Variants in TIMM9 observed in about 807,000 individuals in gnomAD.
TIMM9 encodes the protein mitochondrial import inner membrane translocase subunit Tim9.
In TIMM9, 10 loss-of-function variants were observed where a neutral mutation model predicts 13.4. The ratio of observed to expected loss-of-function variants is 0.75; its 90% CI spans 0.46 to 1.26. TIMM9 has a LOEUF of 1.26. Ranked by LOEUF, TIMM9 falls within the 50% of genes most tolerant of loss-of-function variation. TIMM9 has a pLI of 0.00. For synonymous variants in TIMM9, 32 were observed against 32.1 expected (o/e 1.00, Z 0.01); for missense variants, 87 against 100.8 (o/e 0.86, Z 0.58).
chr14:58,423,230 G>A (rs1380457100), intron 3 of TIMM9, among the ~76,000 whole-genome samples: 3 of 151,484 alleles, frequency 2.0e-5, no homozygotes, highest in African/African-American at 7.3e-5. Flanking sequence ...TCAAGATTAC[G>A]GTATAGGCCA....
At chr14:58,414,779 A>G (rs1396121104) in intron 3 of TIMM9, among the ~76,000 whole-genome samples, 2 of 151,926 alleles carry the variant, frequency 1.3e-5, no homozygotes, top group African/African-American at 4.8e-5. Flanking sequence ...GAAATTCACA[A>G]TAACTACTGA....
chr14:58,409,665 G>A (rs888294631), intron 5 of TIMM9, among the ~76,000 whole-genome samples: 6 of 151,968 alleles, frequency 3.9e-5, no homozygotes, highest in Non-Finnish European at 5.9e-5. Context: ...TGCAAGCTCC[G>A]CCTCCTGAGT....
intron 3 of TIMM9, among the ~76,000 whole-genome samples, chr14:58,419,494 CACA>C (rs1453474612): frequency 1.3e-5 from 2 of 149,972 alleles, no homozygotes; most frequent in East Asian, 3.9e-4. Context: ...CACACACACA[CACA>C]CACACACAAA....
Position 58,411,901 on chromosome 14 carries a change from CCTT to C in TIMM9, c.39+3_39+5del, listed in dbSNP as rs2036232711. The C allele has an allele frequency of 6.2e-7, 1 of 1,613,492 alleles. No individual in the cohort carries two copies. Among genetic ancestry groups the C allele is most frequent in the African/African-American group, 1.3e-5 (1 of 74,898 alleles). On this transcript the variant is annotated splice_donor_5th_base_variant and intron_variant, in intron 4 of 5. Transcript: ENST00000395159. Reference sequence around the variant, plus strand: ...AAATCTTTTCCCCTTAATTAGAATACCTTACCTGTTTTATCTGATCAGATTCTG... The same window carrying C: ...AAATCTTTTCCCCTTAATTAGAATACACCTGTTTTATCTGATCAGATTCTG...
At chr14:58,421,134 G>A (rs2036578059) in intron 3 of TIMM9, among the ~76,000 whole-genome samples, 2 of 152,288 alleles carry the variant, frequency 1.3e-5, no homozygotes, top group East Asian at 3.9e-4. Context: ...TGGGTGAATG[G>A]TTAAACAAAT....
intron 3 of TIMM9, among the ~76,000 whole-genome samples, chr14:58,423,058 G>A (rs2140342455): frequency 6.6e-6 from 1 of 151,928 alleles, no homozygotes; most frequent in South Asian, 2.1e-4. Context: ...ACCCACCTCA[G>A]CCTCCCAAAG....
rs894022906 is a variant in TIMM9, at chr14:58,408,675, T to C, written c.*359A>G. ...AGTGATATTTCCATTTATTTTACTT[T>C]GAGTAATAAAAATTTTTCTATCTCA... On this transcript the variant is annotated 3_prime_UTR_variant, in exon 6 of 6. Transcript: ENST00000395159. 7.6e-7 allele frequency: 1 copy of C among 1,315,974 alleles called. No homozygotes were observed. The highest frequency in any genetic ancestry group is 1.0e-6 in the Non-Finnish European group (1 of 958,376). The allele number at this position is 1,315,974 out of a possible 1,614,324, so 81.5% of individuals were successfully genotyped here.
At chr14:58,415,354 C>A (rs2036370368) in intron 3 of TIMM9, among the ~76,000 whole-genome samples, 1 of 152,040 alleles carries the variant, frequency 6.6e-6, no homozygotes, top group Non-Finnish European at 1.5e-5. Flanking sequence ...AGGAAGATCT[C>A]AAACTGAATT....
At chr14:58,420,585 G>T (rs997952991) in intron 3 of TIMM9, among the ~76,000 whole-genome samples, 2 of 152,098 alleles carry the variant, frequency 1.3e-5, no homozygotes, top group Non-Finnish European at 2.9e-5. Flanking sequence ...CTGAGGTCAG[G>T]AGTTTGAGAC....
rs763029164 is a variant in TIMM9 at position 58,408,553 on chromosome 14, C to A, written c.*481G>T. ...GCAATTTGAGGCAGACATGAATGAA[C>A]AGGACTGCTTGGAGGATGATCCTGA... On this transcript the variant is annotated 3_prime_UTR_variant, in exon 6 of 6. Transcript: ENST00000395159. The A allele has an allele frequency of 6.2e-7, 1 of 1,613,920 alleles. No homozygotes were observed. The highest frequency in any genetic ancestry group is 1.3e-5 in the African/African-American group (1 of 74,996).
chr14:58,416,628 G>C (rs2036418021), intron 3 of TIMM9, among the ~76,000 whole-genome samples: 1 of 152,182 alleles, frequency 6.6e-6, no homozygotes, highest in Non-Finnish European at 1.5e-5. Context: ...CACTTCTCTT[G>C]AGTTTCCTAA....
At chr14:58,412,157 T>C in intron 3 of TIMM9, 186 bp from the exon 4 acceptor site, 1 of 494,204 alleles carries the variant, frequency 2.0e-6, no homozygotes, top group South Asian at 2.5e-5. Context: ...TTTCTTTTTT[T>C]TTTTGAGACG....
chr14:58,408,987 G>A lies in TIMM9; in HGVS notation c.*47C>T. On this transcript the variant is annotated 3_prime_UTR_variant, in exon 6 of 6. Coordinates refer to ENST00000395159, the MANE Select transcript of TIMM9 (RefSeq NM_012460.4). The stretch of plus-strand genomic sequence containing the variant: ...CAGATGAGTCCTCATTTCCAATAAA[G>A]CAGCTGTTGGCAATCTTTCATCAAA... 6.3e-7 allele frequency: 1 copy of A among 1,587,834 alleles called. No homozygotes were observed. The highest frequency in any genetic ancestry group is 8.5e-7 in the Non-Finnish European group (1 of 1,172,262).
rs1187224065 is a variant in TIMM9, at chr14:58,408,544, A to G, written c.*490T>C. 8.1e-6 allele frequency: 13 copies of G among 1,613,858 alleles called. No individual in the cohort carries two copies. The highest frequency in any genetic ancestry group is 1.7e-5 in the Admixed American group (1 of 59,948). ...TATTCACCAGCAATTTGAGGCAGAC[A>G]TGAATGAACAGGACTGCTTGGAGGA... On this transcript the variant is annotated 3_prime_UTR_variant, in exon 6 of 6. Transcript: ENST00000395159.
chr14:58,421,229 GA>G (rs1216144199), intron 3 of TIMM9, among the ~76,000 whole-genome samples: 2 of 152,124 alleles, frequency 1.3e-5, no homozygotes, highest in Non-Finnish European at 2.9e-5. Flanking sequence ...TTCTGCTGAG[GA>G]AAAAAGCCAA....
chr14:58,419,680 C>T (rs1276517978), intron 3 of TIMM9, among the ~76,000 whole-genome samples: 2 of 151,950 alleles, frequency 1.3e-5, no homozygotes, highest in East Asian at 3.9e-4. Flanking sequence ...CCAAGGTTGG[C>T]AGATGGCTTG....
At chr14:58,420,383 T>C (rs563329939) in intron 3 of TIMM9, among the ~76,000 whole-genome samples, 1 of 151,558 alleles carries the variant, frequency 6.6e-6, no homozygotes, top group African/African-American at 2.4e-5. Context: ...AACAATCCAA[T>C]TAGAAAACAA....
At chr14:58,417,123 C>T (rs2036435820) in intron 3 of TIMM9, among the ~76,000 whole-genome samples, 1 of 152,134 alleles carries the variant, frequency 6.6e-6, no homozygotes, top group Admixed American at 6.5e-5. Context: ...TTCTGCCATC[C>T]ATGTAAGATG....
intron 3 of TIMM9, among the ~76,000 whole-genome samples, chr14:58,413,530 C>T (rs1257732943): frequency 5.3e-5 from 8 of 152,088 alleles, no homozygotes; most frequent in African/African-American, 1.4e-4. Flanking sequence ...TATAATCTAA[C>T]GTGGCGGCAA....
Sources: gnomAD v4.1 joint callset for allele counts (sites outside exome capture counted in the v4.1 genomes callset) on GRCh38, gnomAD v4.1.1 for gene constraint, MANE v1.5 for transcripts, NCBI Gene and HGNC (gene_info 2026-07-23, HGNC 2026-07-21) for gene names.